Variants in RNGTT observed in about 807,000 individuals in gnomAD.
RNGTT encodes mRNA-capping enzyme.
A neutral mutation model predicts 79.3 loss-of-function variants in RNGTT; 33 were observed. The observed-to-expected ratio is 0.42, with a 90% CI of 0.32 to 0.56. The LOEUF is 0.56. RNGTT is among the 20% of genes least tolerant of loss of function. RNGTT has a pLI of 0.17. For missense variants in RNGTT, 497 were observed against 739.1 expected, an observed-to-expected ratio of 0.67 and a Z score of 3.80; for synonymous variants, 222 against 235.9, an observed-to-expected ratio of 0.94 and a Z score of 0.54.
chr6:88,793,928 ATT>A (rs1779505321), intron 12 of RNGTT, among the ~76,000 whole-genome samples: 3 of 152,346 alleles, frequency 2.0e-5, no homozygotes, highest in Middle Eastern at 3.4e-3. Flanking sequence ...AACATAAATT[ATT>A]TTTAGGAAAC....
chr6:88,913,942 A>G (rs1361363120), intron 4 of RNGTT, among the ~76,000 whole-genome samples: 1 of 152,138 alleles, frequency 6.6e-6, no homozygotes, highest in Non-Finnish European at 1.5e-5. Flanking sequence ...AAATTTTCAG[A>G]ACACAAAATC....
intron 11 of RNGTT, 55 bp downstream of exon 11, chr6:88,844,302 T>C (rs909109538): frequency 1.4e-6 from 2 of 1,480,868 alleles, no homozygotes; most frequent in Admixed American, 3.7e-5. Context: ...ATTCATCTTG[T>C]AAGCTGAATT....
At chr6:88,888,613 T>C (rs1314197031) in intron 8 of RNGTT, among the ~76,000 whole-genome samples, 1 of 152,200 alleles carries the variant, frequency 6.6e-6, no homozygotes, top group Non-Finnish European at 1.5e-5. Context: ...TTTTGCATTA[T>C]ACATTATTAT....
At chr6:88,732,112 G>A (rs932459937) in intron 13 of RNGTT, among the ~76,000 whole-genome samples, 1 of 152,052 alleles carries the variant, frequency 6.6e-6, no homozygotes, top group Admixed American at 6.6e-5. Flanking sequence ...GAAAATCCAA[G>A]TTAAGTAGAC....
chr6:88,674,889 G>C (rs942298856), intron 14 of RNGTT, among the ~76,000 whole-genome samples: 1 of 152,104 alleles, frequency 6.6e-6, no homozygotes, highest in Admixed American at 6.5e-5. Flanking sequence ...CTGAGGTCAG[G>C]AGTTCAAGAC....
intron 14 of RNGTT, among the ~76,000 whole-genome samples, chr6:88,657,479 T>C (rs1381225356): frequency 6.6e-6 from 1 of 152,126 alleles, no homozygotes; most frequent in African/African-American, 2.4e-5. Flanking sequence ...TGAAAGAAGC[T>C]CCTAGATGAA....
chr6:88,704,075 T>A (rs573196822), intron 13 of RNGTT, among the ~76,000 whole-genome samples: 2 of 147,742 alleles, frequency 1.4e-5, no homozygotes, highest in Admixed American at 1.3e-4. Context: ...CTGGCTAACG[T>A]GGTGAAACTC....
intron 13 of RNGTT, among the ~76,000 whole-genome samples, chr6:88,735,147 T>C (rs761727460): frequency 7.2e-5 from 11 of 152,104 alleles, no homozygotes; most frequent in African/African-American, 1.2e-4. Flanking sequence ...ATCCTTAATA[T>C]GCATGTGCCT....
chr6:88,893,678 C>T (rs1783127804), intron 6 of RNGTT, among the ~76,000 whole-genome samples: 1 of 152,046 alleles, frequency 6.6e-6, no homozygotes, highest in South Asian at 2.1e-4. Flanking sequence ...AAAAGTTAAC[C>T]CCAATCACCT....
intron 8 of RNGTT, among the ~76,000 whole-genome samples, chr6:88,869,811 T>A (rs1178648011): frequency 2.0e-5 from 3 of 152,226 alleles, no homozygotes; most frequent in South Asian, 2.1e-4. Context: ...CATAGAGCAG[T>A]CTCAAAGTTC....
chr6:88,924,572 T>C (rs987045591), intron 4 of RNGTT, among the ~76,000 whole-genome samples: 1 of 151,816 alleles, frequency 6.6e-6, no homozygotes, highest in African/African-American at 2.4e-5. Flanking sequence ...GCAATCCTTC[T>C]GCCTCAGCCT....
At chr6:88,820,319 T>C (rs1376287049) in intron 11 of RNGTT, among the ~76,000 whole-genome samples, 3 of 152,160 alleles carry the variant, frequency 2.0e-5, no homozygotes, top group Non-Finnish European at 4.4e-5. Context: ...CCCTCCATGT[T>C]TGGCTAATAT....
intron 13 of RNGTT, among the ~76,000 whole-genome samples, chr6:88,691,019 AC>A (rs1471971706): frequency 2.0e-5 from 3 of 152,176 alleles, no homozygotes; most frequent in Admixed American, 1.3e-4. Flanking sequence ...CTAATACTGA[AC>A]AAAAGAAGCT....
intron 13 of RNGTT, among the ~76,000 whole-genome samples, chr6:88,711,929 T>G (rs779980659): frequency 6.6e-6 from 1 of 152,164 alleles, no homozygotes; most frequent in Non-Finnish European, 1.5e-5. Flanking sequence ...ATTTTTACCA[T>G]GAGAAATTAA....
chr6:88,926,365 T>A (rs957790883), intron 4 of RNGTT, among the ~76,000 whole-genome samples: 3 of 152,222 alleles, frequency 2.0e-5, no homozygotes, highest in African/African-American at 7.2e-5. Context: ...GCATGTCTGA[T>A]TTGCCAAACT....
intron 13 of RNGTT, among the ~76,000 whole-genome samples, chr6:88,684,522 C>G (rs1029041178): frequency 6.6e-6 from 1 of 152,122 alleles, no homozygotes; most frequent in Non-Finnish European, 1.5e-5. Context: ...ATGGTACACA[C>G]AGGCAATGCA....
At chr6:88,830,141 A>C (rs1359381320) in intron 11 of RNGTT, among the ~76,000 whole-genome samples, 1 of 152,180 alleles carries the variant, frequency 6.6e-6, no homozygotes, top group African/African-American at 2.4e-5. Flanking sequence ...CATAATTGGA[A>C]GTAAAACACT....
intron 13 of RNGTT, among the ~76,000 whole-genome samples, chr6:88,726,651 A>G (rs1776918383): frequency 6.6e-6 from 1 of 152,184 alleles, no homozygotes; most frequent in Admixed American, 6.5e-5. Flanking sequence ...TCAGTAAGTG[A>G]TAAGGAAACT....
chr6:88,961,970 T>TA (rs777627458), intron 1 of RNGTT, among the ~76,000 whole-genome samples: 1 of 152,050 alleles, frequency 6.6e-6, no homozygotes, highest in Non-Finnish European at 1.5e-5. Context: ...TACTCTGCAA[T>TA]AAAAAAGGAA....
Sources: gnomAD v4.1 joint callset for allele counts (sites outside exome capture counted in the v4.1 genomes callset) on GRCh38, gnomAD v4.1.1 for gene constraint, MANE v1.5 for transcripts, NCBI Gene and HGNC (gene_info 2026-07-23, HGNC 2026-07-21) for gene names.